RIT2: variants seen among roughly 807,000 people sequenced by gnomAD.
RIT2 encodes GTP-binding protein Rit2.
In RIT2, 24 loss-of-function variants were observed where a neutral mutation model predicts 23.7. The observed-to-expected ratio is 1.01, with a 90% CI of 0.73 to 1.43. The LOEUF (loss-of-function observed/expected upper bound fraction) is 1.43, where lower values mean the gene tolerates loss of function less well. RIT2 is among the 40% of genes most tolerant of loss of function. The probability of loss-of-function intolerance (pLI) is 0.00; values close to 1 mark genes in which losing one functional copy is unlikely to be tolerated. For synonymous variants in RIT2, 107 were observed against 91.1 expected (o/e 1.17, Z -0.99); for missense variants, 236 against 266.9 (o/e 0.88, Z 0.81).
chr18:42,793,572 CTGAA>C (rs1302703894), intron 4 of RIT2, among the ~76,000 whole-genome samples: 29 of 152,222 alleles, frequency 1.9e-4, no homozygotes, highest in African/African-American at 5.5e-4. Context: ...AGTCATGAAA[CTGAA>C]TGAGATCACC....
Position 42,943,154 on chromosome 18 carries a change from A to G in RIT2, c.235-19391T>C, listed in dbSNP as rs775674935. ...TGGTGTGGCCAGCTTTTATTCCCTT[A>G]TTTGTCCCCGCCCATGTTCTGTTTC... On this transcript the variant is annotated intron_variant, in intron 3 of 4. Transcript: ENST00000326695. 5.9e-5 allele frequency among the ~76,000 whole-genome samples: 9 copies of G among 152,056 alleles called. No individual in the cohort carries two copies. In the South Asian group the frequency reaches 1.9e-3, roughly 32 times the overall value.
intron 3 of RIT2, among the ~76,000 whole-genome samples, chr18:42,952,608 T>A (rs1223984903): frequency 6.6e-6 from 1 of 152,114 alleles, no homozygotes; most frequent in Non-Finnish European, 1.5e-5. Context: ...TGGCATAGAT[T>A]GTGTTGATGG....
intron 1 of RIT2, among the ~76,000 whole-genome samples, chr18:43,067,129 T>C (rs1912788679): frequency 6.6e-6 from 1 of 151,972 alleles, no homozygotes; most frequent in Non-Finnish European, 1.5e-5. Flanking sequence ...ACATGAGTGA[T>C]AGAGATGAGT....
At chr18:43,063,074 A>G (rs1489089071) in intron 1 of RIT2, among the ~76,000 whole-genome samples, 1 of 152,194 alleles carries the variant, frequency 6.6e-6, no homozygotes, top group East Asian at 1.9e-4. Flanking sequence ...AGTTCACAAC[A>G]GAACAGATTT....
Position 42,743,373 on chromosome 18 carries a change from A to T in RIT2, c.*120T>A. The T allele has an allele frequency of 1.3e-6, 1 of 745,806 alleles. No homozygotes were observed. Among genetic ancestry groups the T allele is most frequent in the Admixed American group, 2.5e-5 (1 of 39,696 alleles). 46.2% of individuals were successfully genotyped at this position (745,806 alleles called of 1,614,324 possible). A position where few individuals can be genotyped will look rare whatever the true frequency, so the allele number is the denominator to read the frequency against. ...AGATATGCAGAGCTTGCTTTTACCTACAGGCAGATATTTAAAGAGAGAGAG... is the reference window on the plus strand; with the variant it reads ...AGATATGCAGAGCTTGCTTTTACCTTCAGGCAGATATTTAAAGAGAGAGAG... On this transcript the variant is annotated 3_prime_UTR_variant, in exon 5 of 5. Transcript: ENST00000326695.
intron 4 of RIT2, among the ~76,000 whole-genome samples, chr18:42,909,029 G>A (rs1056773407): frequency 2.6e-5 from 4 of 152,090 alleles, no homozygotes; most frequent in African/African-American, 9.7e-5. Flanking sequence ...ATCCACACAT[G>A]TTTATAGCAC....
intron 4 of RIT2, among the ~76,000 whole-genome samples, chr18:42,760,893 A>C (rs1913284981): frequency 6.6e-6 from 1 of 152,138 alleles, no homozygotes; most frequent in Non-Finnish European, 1.5e-5. Flanking sequence ...CCACCATGAG[A>C]GGGTAAGGTT....
At chr18:42,761,300 C>T (rs865980989) in intron 4 of RIT2, among the ~76,000 whole-genome samples, 1 of 152,248 alleles carries the variant, frequency 6.6e-6, no homozygotes, top group African/African-American at 2.4e-5. Flanking sequence ...AACTCCCAGT[C>T]TCCACTTCAA....
chr18:42,972,898 T>C (rs1233352289), intron 3 of RIT2, among the ~76,000 whole-genome samples: 5 of 151,890 alleles, frequency 3.3e-5, no homozygotes, highest in Admixed American at 6.6e-5. Context: ...AGCCTTTTAA[T>C]TGAATACCAG....
rs570742641 is a variant in RIT2 at position 42,838,951 on chromosome 18, G to T, written c.426+84621C>A. ...CCAGAGCTAGTGCAAGCCTCACCTT[G>T]CAGAGCAACTTCCGACAACAAGACG... On this transcript the variant is annotated intron_variant, in intron 4 of 4. Coordinates refer to ENST00000326695, the MANE Select transcript of RIT2 (RefSeq NM_002930.4). Among the ~76,000 whole-genome samples the T allele has an allele frequency of 1.9e-3, 284 of 152,306 alleles. 4 individuals are homozygous for T. Among genetic ancestry groups the T allele is most frequent in the Non-Finnish European group, 3.4e-4 (23 of 68,036 alleles).
intron 3 of RIT2, among the ~76,000 whole-genome samples, chr18:42,958,713 T>C (rs1010036015): frequency 6.6e-6 from 1 of 152,066 alleles, no homozygotes; most frequent in African/African-American, 2.4e-5. Context: ...CCAAATCCTG[T>C]CTCTACATCT....
At chr18:42,901,063 G>A (rs947385640) in intron 4 of RIT2, among the ~76,000 whole-genome samples, 2 of 152,044 alleles carry the variant, frequency 1.3e-5, no homozygotes, top group South Asian at 2.1e-4. Flanking sequence ...AGACAAGGTA[G>A]TGGCATCAAA....
intron 2 of RIT2, among the ~76,000 whole-genome samples, chr18:43,027,740 T>G (rs1911766443): frequency 6.6e-6 from 1 of 152,004 alleles, no homozygotes; most frequent in Admixed American, 6.6e-5. Flanking sequence ...CTATTTAAGA[T>G]CAAGCATAAT....
chr18:42,900,345 G>T (rs1377124743), intron 4 of RIT2, among the ~76,000 whole-genome samples: 1 of 151,988 alleles, frequency 6.6e-6, no homozygotes, highest in Non-Finnish European at 1.5e-5. Context: ...TTAGAGTCAG[G>T]AATCTAAATG....
intron 1 of RIT2, among the ~76,000 whole-genome samples, chr18:43,047,135 C>CT (rs1447926158): frequency 3.3e-5 from 5 of 152,030 alleles, no homozygotes; most frequent in Non-Finnish European, 7.4e-5. Flanking sequence ...CAGATCATTT[C>CT]TTTTTTCTCA....
chr18:43,107,341 T>C (rs1044073918), intron 1 of RIT2, among the ~76,000 whole-genome samples: 14 of 152,168 alleles, frequency 9.2e-5, no homozygotes, highest in African/African-American at 3.4e-4. Context: ...ATACATCTTG[T>C]TTGTTACCCT....
intron 4 of RIT2, among the ~76,000 whole-genome samples, chr18:42,751,902 T>C (rs1200260618): frequency 1.3e-5 from 2 of 152,126 alleles, no homozygotes; most frequent in Non-Finnish European, 2.9e-5. Flanking sequence ...AGTGAAAGCA[T>C]ACTTTAACAA....
rs115809750 is a variant in RIT2, at chr18:42,963,673, G to A, written c.234+10401C>T. Among the ~76,000 whole-genome samples, 880 of 152,172 alleles carry A rather than the reference G, an allele frequency of 5.8e-3. 10 individuals are homozygous for A. The highest frequency in any genetic ancestry group is 0.02 in the African/African-American group (835 of 41,512). Reference sequence around the variant, plus strand: ...TTTGCAAGGCCAAGGAGGGCTGATCGCTTGAGGTTAGGAGTTTGAAATCAG... The same window carrying A: ...TTTGCAAGGCCAAGGAGGGCTGATCACTTGAGGTTAGGAGTTTGAAATCAG... On this transcript the variant is annotated intron_variant, in intron 3 of 4. Coordinates refer to ENST00000326695, the MANE Select transcript of RIT2 (RefSeq NM_002930.4).
intron 4 of RIT2, among the ~76,000 whole-genome samples, chr18:42,805,427 C>A (rs1210425652): frequency 1.3e-5 from 2 of 152,178 alleles, no homozygotes; most frequent in African/African-American, 2.4e-5. Context: ...TTTCAACAGC[C>A]TTTCCAAGTG....
Sources: allele counts gnomAD v4.1 joint callset (sites outside exome capture counted in the v4.1 genomes callset), GRCh38; gene constraint gnomAD v4.1.1; transcripts MANE v1.5; gene names NCBI Gene and HGNC (gene_info 2026-07-23, HGNC 2026-07-21).